CAMK1G: variants seen among roughly 807,000 people sequenced by gnomAD.
The protein encoded by CAMK1G is calcium/calmodulin-dependent protein kinase type 1G.
A neutral mutation model predicts 54.8 loss-of-function variants in CAMK1G; 27 were observed. The observed-to-expected ratio is 0.49, with a 90% CI of 0.36 to 0.68. CAMK1G has a LOEUF of 0.68. Ranked by LOEUF, CAMK1G falls within the 30% of genes least tolerant of loss-of-function variation. The pLI is 0.00. For missense variants in CAMK1G, 512 were observed against 591.0 expected, an observed-to-expected ratio of 0.87 and a Z score of 1.39; for synonymous variants, 238 against 224.9, an observed-to-expected ratio of 1.06 and a Z score of -0.52.
chr1:209,612,823 G>T lies in CAMK1G; in HGVS notation c.1379G>T (p.Ser460Ile). Residue 460 changes from serine to isoleucine, a missense_variant, in exon 12 of 13, where the codon AGT becomes ATT. Ser to Ile is a moderately radical substitution (Grantham distance 142, BLOSUM62 -2). Transcript: ENST00000361322. Reference protein sequence around the residue: ...KSEVMVPVKASGSSHCRAGQT... With the variant: ...KSEVMVPVKAIGSSHCRAGQT... ...GAGGTCATGGTACCAGTTAAAGCCA[G>T]TGGCAGCTCCCACTGCCGGGCAGGG... The T allele has an allele frequency of 6.2e-7, 1 of 1,614,144 alleles. No individual in the cohort carries two copies. The highest frequency in any genetic ancestry group is 8.5e-7 in the Non-Finnish European group (1 of 1,180,012).
Position 209,605,573 on chromosome 1 carries a change from C to T in CAMK1G, c.334C>T (p.Arg112Trp), listed in dbSNP as rs1314268242. 8 of 1,613,834 alleles carry T rather than the reference C, an allele frequency of 5.0e-6. No individual in the cohort carries two copies. Among genetic ancestry groups the T allele is most frequent in the Admixed American group, 1.7e-5 (1 of 59,986 alleles). Residue 112 changes from arginine to tryptophan, a missense_variant, in exon 5 of 13, where the codon CGG becomes TGG. Physicochemically the swap from Arg to Trp is moderately radical, Grantham distance 101 (BLOSUM62 -3). Transcript: ENST00000361322. ...GGELFDRILERGVYTEKDASL... is the reference protein window; with the variant it reads ...GGELFDRILEWGVYTEKDASL... ...GGAGCTCTTTGACCGGATCCTGGAGCGGGGTGTCTACACAGAGAAGGATGC... is the reference window on the plus strand; with the variant it reads ...GGAGCTCTTTGACCGGATCCTGGAGTGGGGTGTCTACACAGAGAAGGATGC...
At chr1:209,591,053 T>C (rs758468109) in intron 1 of CAMK1G, among the ~76,000 whole-genome samples, 8 of 151,734 alleles carry the variant, frequency 5.3e-5, no homozygotes, top group Non-Finnish European at 1.0e-4. Flanking sequence ...GGACTCAGGA[T>C]CTACAGAAGG....
rs1327275358 is a variant in CAMK1G at position 209,612,022 on chromosome 1, T to A, written c.1146T>A (p.Thr382=). ...QLPCQHGRRP[T]APGGRSLNCL... ...CCTGCCAGCATGGCCGCCGGCCCAC[T>A]GCCCCTGGTGGCAGGTCCCTCAACT... The change falls in exon 11 of 13, where the codon ACT becomes ACA. Residue 382 remains threonine, a synonymous_variant. Coordinates refer to ENST00000361322, the MANE Select transcript of CAMK1G (RefSeq NM_020439.3). 1.9e-6 allele frequency: 3 copies of A among 1,614,058 alleles called. No homozygotes were observed. The highest frequency in any genetic ancestry group is 1.3e-5 in the African/African-American group (1 of 74,928).
rs745555937 is a variant in CAMK1G at position 209,603,164 on chromosome 1, C to T, written c.222-50C>T. 3.8e-6 allele frequency: 6 copies of T among 1,593,736 alleles called. No homozygotes were observed. In the African/African-American group the frequency reaches 4.0e-5, roughly 11 times the overall value. On this transcript the variant is annotated intron_variant, in intron 3 of 12. Transcript: ENST00000361322. Reference sequence around the variant, plus strand: ...TTTGGGCTAGGTCTGCATTATTTGTCTGTACAACCTGAACCACATACCTTT... The same window carrying T: ...TTTGGGCTAGGTCTGCATTATTTGTTTGTACAACCTGAACCACATACCTTT...
rs114868775 is a variant in CAMK1G at position 209,584,998 on chromosome 1, T to C, written c.-30+1226T>C. Among the ~76,000 whole-genome samples, 773 of 152,326 alleles carry C rather than the reference T, an allele frequency of 5.1e-3. 6 individuals carry two copies. Among genetic ancestry groups the C allele is most frequent in the African/African-American group, 0.017 (717 of 41,566 alleles). ...GGCATGTATTATTTCCCCTTTAGTA[T>C]AGATGAGACCATTGAAGCTTAGAAG... On this transcript the variant is annotated intron_variant, in intron 1 of 12. Coordinates refer to ENST00000361322, the MANE Select transcript of CAMK1G (RefSeq NM_020439.3).
In CAMK1G at chr1:209,613,200, C is replaced by A; in HGVS notation, c.*198C>A. 1 of 290,718 alleles carries A rather than the reference C, an allele frequency of 3.4e-6. No homozygotes were observed. Among genetic ancestry groups the A allele is most frequent in the South Asian group, 4.2e-5 (1 of 23,560 alleles). 18.0% of individuals were successfully genotyped at this position (290,718 alleles called of 1,614,324 possible). The stretch of plus-strand genomic sequence containing the variant: ...CCTCATAGGAGGCCCAGGAGGGAGC[C>A]CCAAGGCGTAGAAGCCTTGTTGAAG... On this transcript the variant is annotated 3_prime_UTR_variant, in exon 13 of 13. Coordinates refer to ENST00000361322, the MANE Select transcript of CAMK1G (RefSeq NM_020439.3).
chr1:209,604,424 C>T (rs1001846892), intron 4 of CAMK1G, among the ~76,000 whole-genome samples: 2 of 152,196 alleles, frequency 1.3e-5, no homozygotes, highest in African/African-American at 4.8e-5. Context: ...AGGACTCAGG[C>T]CCCTCAGGGT....
At chr1:209,593,461 G>A (rs1665306649) in intron 1 of CAMK1G, among the ~76,000 whole-genome samples, 1 of 152,158 alleles carries the variant, frequency 6.6e-6, no homozygotes, top group African/African-American at 2.4e-5. Flanking sequence ...CCTGCCATTA[G>A]CTGTTGGAGG....
chr1:209,605,477 C>A, intron 4 of CAMK1G, 59 bp from the exon 5 acceptor site: 2 of 1,579,234 alleles, frequency 1.3e-6, no homozygotes, highest in East Asian at 2.2e-5. Context: ...AAGCAAACAC[C>A]TTCTCATTAC....
intron 1 of CAMK1G, among the ~76,000 whole-genome samples, chr1:209,594,401 T>C (rs1665329704): frequency 6.6e-6 from 1 of 152,244 alleles, no homozygotes; most frequent in Non-Finnish European, 1.5e-5. Flanking sequence ...AACTCTGATA[T>C]AAATTTAGGA....
intron 3 of CAMK1G, among the ~76,000 whole-genome samples, chr1:209,601,579 G>A (rs1003799584): frequency 6.6e-6 from 1 of 152,190 alleles, no homozygotes; most frequent in East Asian, 1.9e-4. Context: ...CTAATTGAGA[G>A]CAAGGACCAT....
intron 4 of CAMK1G, among the ~76,000 whole-genome samples, chr1:209,604,304 G>A (rs1665594868): frequency 6.6e-6 from 1 of 152,152 alleles, no homozygotes; most frequent in Admixed American, 6.5e-5. Flanking sequence ...ACTACAATGA[G>A]GCCAAGCCAA....
At chr1:209,602,434 C>T (rs911971653) in intron 3 of CAMK1G, among the ~76,000 whole-genome samples, 1 of 152,216 alleles carries the variant, frequency 6.6e-6, no homozygotes, top group Non-Finnish European at 1.5e-5. Context: ...AATTTTTCAA[C>T]ACTTCCTCCG....
In CAMK1G at chr1:209,585,623, G is replaced by C. The variant is rs1044375396; in HGVS notation, c.-30+1851G>C. ...ATAATGCATGCAAAGTGCCTAGCGC[G>C]GTGCCCCACCCAGGTGCGTGGTCCA... On this transcript the variant is annotated intron_variant, in intron 1 of 12. Coordinates refer to ENST00000361322, the MANE Select transcript of CAMK1G (RefSeq NM_020439.3). Among the ~76,000 whole-genome samples the C allele has an allele frequency of 3.9e-5, 6 of 152,340 alleles. No individual in the cohort carries two copies. In the East Asian group the frequency reaches 9.6e-4, roughly 24 times the overall value.
At chr1:209,597,836 T>C (rs1665426775) in intron 2 of CAMK1G, among the ~76,000 whole-genome samples, 1 of 152,212 alleles carries the variant, frequency 6.6e-6, no homozygotes, top group Non-Finnish European at 1.5e-5. Context: ...TTACTTAGAT[T>C]CTCTCTCCTC....
intron 11 of CAMK1G, 115 bp downstream of exon 11, chr1:209,612,331 A>G (rs1400562449): frequency 8.7e-7 from 1 of 1,151,146 alleles, no homozygotes; most frequent in Non-Finnish European, 1.2e-6. Context: ...CTATATAGGG[A>G]GGGATGAGTT....
chr1:209,599,464 T>C (rs926934390), intron 2 of CAMK1G, among the ~76,000 whole-genome samples: 8 of 152,360 alleles, frequency 5.3e-5, no homozygotes, highest in South Asian at 2.1e-4. Flanking sequence ...TCTGTAGAGA[T>C]AGATGTAGAA....
intron 1 of CAMK1G, among the ~76,000 whole-genome samples, chr1:209,585,174 G>A (rs1447834096): frequency 6.6e-6 from 1 of 152,172 alleles, no homozygotes; most frequent in African/African-American, 2.4e-5. Context: ...TCTTCAGAAA[G>A]TACTCTTTGG....
At chr1:209,597,553 A>C (rs1202011172) in intron 2 of CAMK1G, among the ~76,000 whole-genome samples, 2 of 152,204 alleles carry the variant, frequency 1.3e-5, no homozygotes, top group Non-Finnish European at 2.9e-5. Context: ...GAATGGAAAC[A>C]CTCACCTTTT....
Sources: gnomAD v4.1 joint callset for allele counts (sites outside exome capture counted in the v4.1 genomes callset) on GRCh38, gnomAD v4.1.1 for gene constraint, MANE v1.5 for transcripts, NCBI Gene and HGNC (gene_info 2026-07-23, HGNC 2026-07-21) for gene names.